Variants in COL22A1 observed in about 807,000 individuals in gnomAD.
The protein encoded by COL22A1 is collagen alpha-1(XXII) chain.
Under a neutral mutation model 248.9 loss-of-function variants are expected in COL22A1, and 221 were observed. The observed-to-expected ratio is 0.89, with a 90% confidence interval of 0.80 to 0.99. The LOEUF is 0.99. COL22A1 is among the 50% of genes least tolerant of loss of function. The probability of loss-of-function intolerance (pLI) is 0.00; values close to 1 mark genes in which losing one functional copy is unlikely to be tolerated. For missense variants in COL22A1, 2,240 were observed against 2,179.0 expected, an observed-to-expected ratio of 1.03 and a Z score of -0.56; for synonymous variants, 891 against 793.4, an observed-to-expected ratio of 1.12 and a Z score of -2.07.
chr8:138,741,835 ATAAT>A (rs1185304823), intron 22 of COL22A1, among the ~76,000 whole-genome samples: 2 of 152,170 alleles, frequency 1.3e-5, no homozygotes, highest in African/African-American at 4.8e-5. Context: ...TTTGATGATA[ATAAT>A]GGTGGTGGTG....
At chr8:138,598,924 A>T (rs202211660) in intron 60 of COL22A1, 26 bp from the exon 61 acceptor site, 3 of 1,612,764 alleles carry the variant, frequency 1.9e-6, no homozygotes, top group Non-Finnish European at 2.5e-6. Flanking sequence ...GCATGTCAGC[A>T]TGTGTCTCAG....
chr8:138,697,512 A>C (rs373663547), intron 32 of COL22A1, among the ~76,000 whole-genome samples: 4 of 152,268 alleles, frequency 2.6e-5, no homozygotes. Context: ...TGCAGACCCC[A>C]GGGATATGCA....
intron 32 of COL22A1, among the ~76,000 whole-genome samples, chr8:138,695,434 T>A (rs1252554917): frequency 1.3e-5 from 2 of 152,002 alleles, no homozygotes; most frequent in African/African-American, 4.8e-5. Context: ...GCTCAAGCGA[T>A]CCTCCCTGCA....
intron 23 of COL22A1, among the ~76,000 whole-genome samples, chr8:138,731,360 A>T (rs11994119): frequency 0.092 from 13,955 of 152,138 alleles, 1,214 homozygotes; most frequent in African/African-American, 0.24. Context: ...TAGGAGGAAA[A>T]CTTGCAAGAT....
At position 138,811,556 on chromosome 8, in the gene COL22A1, C is replaced by A. The variant is rs116193853; in HGVS notation, c.1449+243G>T. Reference sequence around the variant, plus strand: ...CTGAGTGGAGATCACAAAGGAGTAACCTGGGAAGCCTGGGGAACGCACATT... The same window carrying A: ...CTGAGTGGAGATCACAAAGGAGTAAACTGGGAAGCCTGGGGAACGCACATT... On this transcript the variant is annotated intron_variant, in intron 9 of 64. Coordinates refer to ENST00000303045, the MANE Select transcript of COL22A1 (RefSeq NM_152888.3). 5.3e-3 allele frequency among the ~76,000 whole-genome samples: 806 copies of A among 152,136 alleles called. 4 individuals carry two copies. Among genetic ancestry groups the A allele is most frequent in the African/African-American group, 0.011 (451 of 41,508 alleles).
chr8:138,904,024 T>G (rs531410663), intron 1 of COL22A1, among the ~76,000 whole-genome samples: 1 of 152,296 alleles, frequency 6.6e-6, no homozygotes, highest in South Asian at 2.1e-4. Flanking sequence ...CCAGAGCTAC[T>G]GTGTTGCACG....
chr8:138,782,345 G>T (rs1429198967), intron 12 of COL22A1, among the ~76,000 whole-genome samples: 1 of 152,224 alleles, frequency 6.6e-6, no homozygotes, highest in Non-Finnish European at 1.5e-5. Context: ...AGCCTCCTGT[G>T]TAGCTCGGAC....
At chr8:138,870,773 GTGTGTGGTA>G (rs1419659142) in intron 3 of COL22A1, among the ~76,000 whole-genome samples, 5 of 151,804 alleles carry the variant, frequency 3.3e-5, no homozygotes, top group African/African-American at 1.2e-4. Flanking sequence ...TATACATGGT[GTGTGTGGTA>G]TGTGTAGTGT....
In COL22A1 at chr8:138,683,085, G is replaced by T. The variant is rs576100835; in HGVS notation, c.3012+1340C>A. 2.6e-5 allele frequency among the ~76,000 whole-genome samples: 4 copies of T among 152,278 alleles called. No homozygotes were observed. In the East Asian group the frequency reaches 7.7e-4, roughly 29 times the overall value. ...CATGCTGGGTTAGCGAGCCCCCTCT[G>T]AGCCCACATGTGCCCTGAGCTACCC... On this transcript the variant is annotated intron_variant, in intron 39 of 64. Coordinates refer to ENST00000303045, the MANE Select transcript of COL22A1 (RefSeq NM_152888.3).
At chr8:138,716,735 C>T (rs968535019) in intron 28 of COL22A1, 90 bp downstream of exon 28, 1 of 967,624 alleles carries the variant, frequency 1.0e-6, no homozygotes, top group Non-Finnish European at 1.6e-6. Context: ...GGATTAATTC[C>T]TCTTGGCATC....
intron 3 of COL22A1, among the ~76,000 whole-genome samples, chr8:138,873,351 G>A (rs982334546): frequency 3.9e-5 from 6 of 152,110 alleles, no homozygotes; most frequent in South Asian, 2.1e-4. Context: ...TGGCGGGGGT[G>A]GGGTGGGGAG....
At chr8:138,913,473 G>A (rs867133449) in intron 1 of COL22A1, 146 bp downstream of exon 1, 2 of 152,212 alleles carry the variant, frequency 1.3e-5, no homozygotes, top group Non-Finnish European at 2.9e-5. Flanking sequence ...GGCTTCAGAA[G>A]GAAACGCGTC....
rs1215688691 is a variant in COL22A1, at chr8:138,642,186, TGACAA to T, written c.3501+4438_3501+4442del. 2.6e-5 allele frequency among the ~76,000 whole-genome samples: 4 copies of T among 152,160 alleles called. No homozygotes were observed. The East Asian group carries it at 7.7e-4, about 29-fold the overall frequency. ...TGGTATCAGCTGTTACTAAGGAGTA[TGACAA>T]GACAATAACTACTCAGGGTACTGAA... On this transcript the variant is annotated intron_variant, in intron 47 of 64. Coordinates refer to ENST00000303045, the MANE Select transcript of COL22A1 (RefSeq NM_152888.3).
chr8:138,597,267 G>A (rs537206541), intron 61 of COL22A1, among the ~76,000 whole-genome samples: 1 of 152,202 alleles, frequency 6.6e-6, no homozygotes, highest in East Asian at 1.9e-4. Flanking sequence ...AAGCCACTGT[G>A]CCCATTAATT....
intron 35 of COL22A1, among the ~76,000 whole-genome samples, chr8:138,691,974 A>G (rs1336271899): frequency 1.9e-4 from 18 of 93,260 alleles, no homozygotes; most frequent in Admixed American, 4.7e-4. Context: ...GCATGTGTGG[A>G]GGTGTGTGTA....
chr8:138,898,231 G>A (rs924075957), intron 1 of COL22A1, among the ~76,000 whole-genome samples: 6 of 152,042 alleles, frequency 3.9e-5, no homozygotes, highest in African/African-American at 1.4e-4. Flanking sequence ...GCTTCATCTG[G>A]GTGTACGTAA....
intron 5 of COL22A1, among the ~76,000 whole-genome samples, chr8:138,832,332 T>C (rs974506040): frequency 1.3e-5 from 2 of 152,202 alleles, no homozygotes; most frequent in East Asian, 3.9e-4. Context: ...CCCTGAATGC[T>C]TTCTTGCACG....
intron 41 of COL22A1, among the ~76,000 whole-genome samples, chr8:138,670,791 C>T (rs1176808185): frequency 6.6e-6 from 1 of 151,546 alleles, no homozygotes; most frequent in African/African-American, 2.4e-5. Flanking sequence ...AAAACCTCAT[C>T]TCTATAAAAA....
intron 43 of COL22A1, among the ~76,000 whole-genome samples, chr8:138,661,256 T>C (rs1479132704): frequency 6.6e-6 from 1 of 152,194 alleles, no homozygotes; most frequent in African/African-American, 2.4e-5. Context: ...GAAGCAGGAA[T>C]AAGACAGTAA....
Sources: allele counts gnomAD v4.1 joint callset (sites outside exome capture counted in the v4.1 genomes callset), GRCh38; gene constraint gnomAD v4.1.1; transcripts MANE v1.5; gene names NCBI Gene and HGNC (gene_info 2026-07-23, HGNC 2026-07-21).